Variants in DIP2B observed in about 807,000 individuals in gnomAD.
DIP2B encodes the protein DIP2 acetate--CoA ligase B (putative), also known as disco-interacting protein 2 homolog B.
Under a neutral mutation model 198.0 loss-of-function variants are expected in DIP2B, and 76 were observed. The observed-to-expected ratio is 0.38, with a 90% CI of 0.32 to 0.46. DIP2B has a LOEUF of 0.46. Ranked by LOEUF, DIP2B falls within the 20% of genes least tolerant of loss-of-function variation. The pLI, the probability that DIP2B is intolerant of heterozygous loss-of-function variation, is 0.99. For synonymous variants in DIP2B, 701 were observed against 739.1 expected (o/e 0.95, Z 0.84); for missense variants, 1,559 against 1,978.4 (o/e 0.79, Z 4.02).
chr12:50,630,271 GTT>G (rs1938019841), intron 2 of DIP2B, among the ~76,000 whole-genome samples: 1 of 151,918 alleles, frequency 6.6e-6, no homozygotes, highest in South Asian at 2.1e-4. Context: ...CTAGGAAATT[GTT>G]TTGTTTAGTT....
At chr12:50,682,928 C>G (rs887347813) in intron 9 of DIP2B, among the ~76,000 whole-genome samples, 3 of 152,118 alleles carry the variant, frequency 2.0e-5, no homozygotes, top group Admixed American at 2.0e-4. Context: ...CGTTATAGTT[C>G]CCAAAATGTG....
chr12:50,701,383 G>T (rs111948439), intron 19 of DIP2B, among the ~76,000 whole-genome samples: 1,555 of 152,154 alleles, frequency 0.01, 15 homozygotes, highest in Middle Eastern at 0.065. Context: ...TTGTTTTTTT[G>T]TTGTTGTTGT....
intron 1 of DIP2B, among the ~76,000 whole-genome samples, chr12:50,560,178 A>T (rs1958506635): frequency 1.3e-5 from 2 of 151,318 alleles, no homozygotes; most frequent in South Asian, 2.1e-4. Context: ...GTGGATCACG[A>T]GGTCAGGAGA....
chr12:50,597,687 G>A (rs909425013), intron 1 of DIP2B, among the ~76,000 whole-genome samples: 1 of 152,214 alleles, frequency 6.6e-6, no homozygotes, highest in Non-Finnish European at 1.5e-5. Flanking sequence ...GTCCTTGACT[G>A]AGTCACAAGT....
intron 1 of DIP2B, among the ~76,000 whole-genome samples, chr12:50,522,175 AT>A (rs1958126510): frequency 6.6e-6 from 1 of 150,894 alleles, no homozygotes; most frequent in Non-Finnish European, 1.5e-5. Context: ...TAATTTTTAT[AT>A]TTTTGGTAGA....
At chr12:50,533,827 A>C (rs568035779) in intron 1 of DIP2B, among the ~76,000 whole-genome samples, 1 of 152,192 alleles carries the variant, frequency 6.6e-6, no homozygotes, top group Admixed American at 6.5e-5. Context: ...GGCTCAAGTG[A>C]TCTGCCTGCC....
chr12:50,691,245 G>A (rs554208955), intron 13 of DIP2B, 94 bp downstream of exon 13: 33 of 1,087,218 alleles, frequency 3.0e-5, no homozygotes, highest in South Asian at 2.8e-4. Context: ...TTTAATGACC[G>A]AATTCAGAGT....
At chr12:50,648,117 A>C (rs568825926) in intron 3 of DIP2B, among the ~76,000 whole-genome samples, 29 of 152,238 alleles carry the variant, frequency 1.9e-4, no homozygotes, top group African/African-American at 4.1e-4. Context: ...CCGTCTCAAA[A>C]AAACAAACAA....
chr12:50,661,305 G>A (rs546950176), intron 4 of DIP2B, among the ~76,000 whole-genome samples: 4 of 152,128 alleles, frequency 2.6e-5, no homozygotes, highest in South Asian at 2.1e-4. Flanking sequence ...TACTTAATAC[G>A]TCTTTGGGGA....
intron 1 of DIP2B, among the ~76,000 whole-genome samples, chr12:50,549,778 G>C (rs1958411136): frequency 6.7e-6 from 1 of 149,588 alleles, no homozygotes; most frequent in African/African-American, 2.5e-5. Context: ...TTGGTAGCCT[G>C]TTTAACTTCA....
intron 1 of DIP2B, among the ~76,000 whole-genome samples, chr12:50,518,311 G>C (rs1310830388): frequency 1.3e-5 from 2 of 150,288 alleles, no homozygotes; most frequent in Non-Finnish European, 3.0e-5. Context: ...TGCAAGCTCC[G>C]CCCCCTGGGT....
intron 21 of DIP2B, among the ~76,000 whole-genome samples, chr12:50,707,452 G>A (rs2139568824): frequency 6.6e-6 from 1 of 152,366 alleles, no homozygotes; most frequent in South Asian, 2.1e-4. Flanking sequence ...TATGTGGAAG[G>A]AAGGAAGGAG....
chr12:50,717,570 C>T (rs572233575), intron 23 of DIP2B, among the ~76,000 whole-genome samples: 5 of 151,480 alleles, frequency 3.3e-5, no homozygotes, highest in Middle Eastern at 3.2e-3. Flanking sequence ...GGTTTCACCG[C>T]GTTAGCCGGG....
intron 1 of DIP2B, among the ~76,000 whole-genome samples, chr12:50,606,682 T>C: frequency 6.6e-6 from 1 of 152,168 alleles, no homozygotes; most frequent in East Asian, 1.9e-4. Context: ...TAATTTAATT[T>C]AATCTTTTTG....
At chr12:50,678,926 A>T in intron 8 of DIP2B, 50 bp downstream of exon 8, 1 of 1,600,038 alleles carries the variant, frequency 6.2e-7, no homozygotes, top group Non-Finnish European at 8.6e-7. Flanking sequence ...TCTTCAGAAT[A>T]TCATGGGTAG....
At chr12:50,559,136 A>G (rs1958495955) in intron 1 of DIP2B, among the ~76,000 whole-genome samples, 1 of 152,168 alleles carries the variant, frequency 6.6e-6, no homozygotes. Flanking sequence ...AACTCAGAAC[A>G]TGGGTGATTA....
At position 50,667,261 on chromosome 12, in the gene DIP2B, C is replaced by T. The variant is rs146068383; in HGVS notation, c.428-3925C>T. Among the ~76,000 whole-genome samples, 4 of 152,310 alleles carry T rather than the reference C, an allele frequency of 2.6e-5. No individual in the cohort carries two copies. The East Asian group carries it at 7.7e-4, about 29-fold the overall frequency. On this transcript the variant is annotated intron_variant, in intron 4 of 37. Coordinates refer to ENST00000301180, the MANE Select transcript of DIP2B (RefSeq NM_173602.3). ...ATTCAATGGTGCCTTGTTAAAATCA[C>T]AGCAGATTATAAACTGAAAGGCAAA...
intron 1 of DIP2B, among the ~76,000 whole-genome samples, chr12:50,531,608 A>G (rs540397065): frequency 2.5e-4 from 38 of 152,300 alleles, no homozygotes; most frequent in African/African-American, 9.1e-4. Flanking sequence ...GGGTTTAGGG[A>G]CAGGGTTGGG....
chr12:50,623,106 G>A (rs1327795433), intron 1 of DIP2B, among the ~76,000 whole-genome samples: 1 of 151,994 alleles, frequency 6.6e-6, no homozygotes, highest in African/African-American at 2.4e-5. Flanking sequence ...TATAAAACAG[G>A]CCAGGTGTGG....
Sources: gnomAD v4.1 joint callset for allele counts (sites outside exome capture counted in the v4.1 genomes callset) on GRCh38, gnomAD v4.1.1 for gene constraint, MANE v1.5 for transcripts, NCBI Gene and HGNC (gene_info 2026-07-23, HGNC 2026-07-21) for gene names.